USP42: variants seen among roughly 807,000 people sequenced by gnomAD.
USP42 encodes ubiquitin carboxyl-terminal hydrolase 42.
USP42 carries 23 observed loss-of-function variants against 113.0 expected under a neutral mutation model. The ratio of observed to expected loss-of-function variants is 0.20; its 90% CI spans 0.15 to 0.29. USP42 has a LOEUF of 0.29. Ranked by LOEUF, USP42 falls within the 10% of genes least tolerant of loss-of-function variation. The pLI is 1.00. For missense variants in USP42, 2,174 were observed against 1,779.8 expected (o/e 1.22, Z -3.99); for synonymous variants, 933 against 699.0 (o/e 1.33, Z -5.28).
intron 12 of USP42, among the ~76,000 whole-genome samples, chr7:6,148,652 C>G (rs1361736472): frequency 6.6e-6 from 1 of 152,218 alleles, no homozygotes; most frequent in Non-Finnish European, 1.5e-5. Flanking sequence ...GCTAGTGTCA[C>G]AAGGAACACA....
the USP42 span, among the ~76,000 whole-genome samples, chr7:6,095,480 C>A: frequency 6.6e-6 from 1 of 150,926 alleles, no homozygotes; most frequent in African/African-American, 2.5e-5. Flanking sequence ...CCAGCCTCGC[C>A]AACATAGTGA....
In USP42 at chr7:6,144,179, G is replaced by C; in HGVS notation, c.973G>C (p.Gly325Arg). The C allele has an allele frequency of 6.3e-7, 1 of 1,590,638 alleles. No homozygotes were observed. Among genetic ancestry groups the C allele is most frequent in the Non-Finnish European group, 8.5e-7 (1 of 1,171,646 alleles). The stretch of plus-strand genomic sequence containing the variant: ...TCTGAAACGTTTTGCAAATTTTACC[G>C]GTGGAAAAATTGCTAAGGTATGTGG... The part of the protein sequence containing the change: ...LSLKRFANFT[G>R]GKIAKDVKYP... The change falls in exon 9 of 18, where the codon GGT becomes CGT. Residue 325 changes from glycine (G) to arginine (R), a missense_variant. Coordinates refer to ENST00000306177, the MANE Select transcript of USP42 (RefSeq NM_032172.3).
At chr7:6,086,184 T>C in the USP42 span, among the ~76,000 whole-genome samples, 81 of 149,020 alleles carry the variant, frequency 5.4e-4, 1 homozygote, top group Non-Finnish European at 8.1e-4. Context: ...TACAGGAGCC[T>C]GCCACCTCAC....
intron 4 of USP42, 129 bp downstream of exon 4, chr7:6,136,080 C>T (rs888236968): frequency 7.2e-6 from 4 of 555,074 alleles, no homozygotes; most frequent in Non-Finnish European, 1.2e-5. Flanking sequence ...TTTCGGCTCA[C>T]TGCAGCTTCC....
In USP42 at chr7:6,149,855, T is replaced by C; in HGVS notation, c.1659T>C (p.Val553=). Residue 553 remains valine (V), a synonymous_variant, in exon 13 of 18, where the codon GTT becomes GTC. Coordinates refer to ENST00000306177, the MANE Select transcript of USP42 (RefSeq NM_032172.3). ...CTTTGGAGAACCCTACCAAGCCCGT[T>C]CCCTCTTCTACCATTACCAATTCTG... is the stretch of plus-strand genomic sequence containing the variant. ...SNSLENPTKP[V]PSSTITNSAV... 1.9e-6 allele frequency: 3 copies of C among 1,614,030 alleles called. No individual in the cohort carries two copies. The highest frequency in any genetic ancestry group is 2.5e-6 in the Non-Finnish European group (3 of 1,179,890).
chr7:6,140,067 G>T (rs1781356743), intron 5 of USP42, 61 bp from the exon 6 acceptor site: 1 of 1,448,452 alleles, frequency 6.9e-7, no homozygotes, highest in Non-Finnish European at 9.7e-7. Context: ...TTGAAATCTG[G>T]TCACAGCATC....
intron 3 of USP42, among the ~76,000 whole-genome samples, chr7:6,126,476 C>CG (rs1583615831): frequency 6.6e-6 from 1 of 151,964 alleles, no homozygotes; most frequent in Non-Finnish European, 1.5e-5. Context: ...TTAGTAGAGA[C>CG]GGGTTTCACC....
chr7:6,091,984 CTTCTTCT>C, the USP42 span, among the ~76,000 whole-genome samples: 3 of 33,150 alleles, frequency 9.0e-5, no homozygotes, highest in Admixed American at 3.6e-4. Context: ...ATTTTTTCTT[CTTCTTCT>C]TCTTCTTCTT....
At chr7:6,128,516 T>G (rs1780664279) in intron 3 of USP42, among the ~76,000 whole-genome samples, 1 of 152,212 alleles carries the variant, frequency 6.6e-6, no homozygotes, top group Non-Finnish European at 1.5e-5. Flanking sequence ...TCATTACATT[T>G]GAAGTGAGTT....
upstream of USP42, among the ~76,000 whole-genome samples, chr7:6,104,205 C>T (rs1451384614): frequency 6.6e-6 from 1 of 151,408 alleles, no homozygotes; most frequent in Non-Finnish European, 1.5e-5. Flanking sequence ...GCCTCAGCTT[C>T]CCGAGTAGCT....
intron 2 of USP42, chr7:6,111,790 T>G (rs1355039017): frequency 6.2e-6 from 1 of 162,368 alleles, no homozygotes; most frequent in Non-Finnish European, 1.3e-5. Flanking sequence ...TTTTTTTGTA[T>G]TTTTAGTAGA....
At chr7:6,122,688 C>G (rs775054680) in intron 3 of USP42, among the ~76,000 whole-genome samples, 3 of 151,614 alleles carry the variant, frequency 2.0e-5, no homozygotes, top group Non-Finnish European at 4.4e-5. Context: ...CCAGGATGGT[C>G]TCTTATCTCC....
chr7:6,135,487 A>C (rs922027979), intron 3 of USP42, among the ~76,000 whole-genome samples: 1 of 151,664 alleles, frequency 6.6e-6, no homozygotes, highest in Non-Finnish European at 1.5e-5. Context: ...ATCTCTACTA[A>C]AAATACAAAA....
chr7:6,122,367 C>T (rs1204239275), intron 3 of USP42, among the ~76,000 whole-genome samples: 1 of 151,670 alleles, frequency 6.6e-6, no homozygotes, highest in Non-Finnish European at 1.5e-5. Flanking sequence ...CTCACTGCAC[C>T]CTCAACCTTC....
At chr7:6,151,614 T>C (rs1248762813) in intron 14 of USP42, among the ~76,000 whole-genome samples, 1 of 152,088 alleles carries the variant, frequency 6.6e-6, no homozygotes, top group Non-Finnish European at 1.5e-5. Context: ...ATTTTTTTTT[T>C]GTATTTTTAG....
intron 3 of USP42, among the ~76,000 whole-genome samples, chr7:6,127,393 A>AT (rs946468327): frequency 6.8e-6 from 1 of 147,436 alleles, no homozygotes; most frequent in Non-Finnish European, 1.5e-5. Context: ...TCCTATGTTA[A>AT]TTTTTTCCTG....
chr7:6,133,476 A>T, intron 3 of USP42, among the ~76,000 whole-genome samples: 1 of 152,086 alleles, frequency 6.6e-6, no homozygotes, highest in African/African-American at 2.4e-5. Context: ...TGTGGTGTCT[A>T]ATCTGTTATT....
chr7:6,086,236 C>T, the USP42 span, among the ~76,000 whole-genome samples: 11 of 139,966 alleles, frequency 7.9e-5, no homozygotes, highest in East Asian at 8.3e-4. Context: ...GACAGAGTCT[C>T]GCTCTGTCGC....
At chr7:6,093,809 T>C in the USP42 span, among the ~76,000 whole-genome samples, 1 of 151,146 alleles carries the variant, frequency 6.6e-6, no homozygotes, top group Non-Finnish European at 1.5e-5. Context: ...GTTTTTTTCA[T>C]AGTGGTTGTA....
Sources: gnomAD v4.1 joint callset for allele counts (sites outside exome capture counted in the v4.1 genomes callset) on GRCh38, gnomAD v4.1.1 for gene constraint, MANE v1.5 for transcripts, NCBI Gene and HGNC (gene_info 2026-07-23, HGNC 2026-07-21) for gene names.